FMO5: variants seen among roughly 807,000 people sequenced by gnomAD.
FMO5 encodes flavin-containing monooxygenase 5.
A neutral mutation model predicts 43.6 loss-of-function variants in FMO5; 51 were observed. The ratio of observed to expected loss-of-function variants is 1.17; its 90% CI spans 0.93 to 1.48. The LOEUF (loss-of-function observed/expected upper bound fraction) is 1.48. FMO5 is among the 40% of genes most tolerant of loss of function. FMO5 has a pLI of 0.00. For missense variants in FMO5, 644 were observed against 643.0 expected (o/e 1.00, Z -0.02); for synonymous variants, 187 against 216.5 (o/e 0.86, Z 1.20).
intron 6 of FMO5, among the ~76,000 whole-genome samples, chr1:147,206,635 C>T (rs1235540468): frequency 1.3e-5 from 2 of 151,996 alleles, no homozygotes; most frequent in African/African-American, 4.8e-5. Flanking sequence ...AAGCTAGAAA[C>T]CATCATTCTC....
chr1:147,226,249 T>C (rs1384118515), upstream of FMO5, among the ~76,000 whole-genome samples: 1 of 151,984 alleles, frequency 6.6e-6, no homozygotes, highest in African/African-American at 2.4e-5. Flanking sequence ...GGCTCACCTA[T>C]ACCTCTCTCC....
chr1:147,224,746 G>C, intron 2 of FMO5, 149 bp downstream of exon 2: 1 of 684,752 alleles, frequency 1.5e-6, no homozygotes, highest in Non-Finnish European at 2.5e-6. Flanking sequence ...GCCTGACCTC[G>C]TGATCCGCCC....
intron 7 of FMO5, among the ~76,000 whole-genome samples, chr1:147,191,768 A>G (rs1656878556): frequency 1.3e-5 from 2 of 152,004 alleles, no homozygotes; most frequent in South Asian, 4.1e-4. Flanking sequence ...TAAATAGGGA[A>G]TCCTTTCCCC....
intron 7 of FMO5, among the ~76,000 whole-genome samples, chr1:147,199,926 CTAGTAACAA>C (rs1197803348): frequency 1.3e-5 from 2 of 152,108 alleles, no homozygotes; most frequent in African/African-American, 4.8e-5. Flanking sequence ...TAATTAAATG[CTAGTAACAA>C]TAGCAAATTT....
chr1:147,185,881 C>T (rs1453094880), downstream of FMO5, among the ~76,000 whole-genome samples: 1 of 152,130 alleles, frequency 6.6e-6, no homozygotes, highest in African/African-American at 2.4e-5. Flanking sequence ...ATTTCATTTG[C>T]TCTGTTTTTC....
At chr1:147,225,809 G>A (rs797030638), upstream of FMO5, 3 of 152,196 alleles carry the variant, frequency 2.0e-5, no homozygotes. Context: ...AAAGAAGGAA[G>A]AGGTTTTTAT....
Position 147,204,878 on chromosome 1 carries a change from C to G in FMO5, c.831-3374G>C, listed in dbSNP as rs1006423448. 6 of 1,592,184 alleles carry G rather than the reference C, an allele frequency of 3.8e-6. No individual in the cohort carries two copies. In the Admixed American group the frequency reaches 6.7e-5, roughly 18 times the overall value. On this transcript the variant is annotated intron_variant, in intron 6 of 8. Coordinates refer to ENST00000254090, the MANE Select transcript of FMO5 (RefSeq NM_001461.4). Reference sequence around the variant, plus strand: ...TCTTCTAATTCTGAAAAGTGTTTCGCTCCCTCCTTGAGCATCTGGGCGAAG... The same window carrying G: ...TCTTCTAATTCTGAAAAGTGTTTCGGTCCCTCCTTGAGCATCTGGGCGAAG...
downstream of FMO5, chr1:147,186,199 C>A (rs1655600023): frequency 2.2e-6 from 1 of 456,372 alleles, no homozygotes; most frequent in African/African-American, 2.1e-5. Context: ...TCCCAAAATT[C>A]TCAACCAAGT....
chr1:147,201,460 C>T lies in FMO5; in HGVS notation c.875G>A (p.Arg292His), dbSNP rs372716556. Residue 292 changes from arginine to histidine, a missense_variant, in exon 7 of 9, where the codon CGT (arginine) becomes CAT (histidine). Arg to His is a conservative substitution (Grantham distance 29). Transcript: ENST00000254090. ...CACTTTCACCAAGCCAGAAATGATACGATTTGGCAGGTCATCATTTAAGGT... is the reference window on the plus strand; with the variant it reads ...CACTTTCACCAAGCCAGAAATGATATGATTTGGCAGGTCATCATTTAAGGT... ...HPTLNDDLPN[R>H]IISGLVKVKG... The T allele has an allele frequency of 1.7e-5, 28 of 1,613,954 alleles. No homozygotes were observed. In the East Asian group the frequency reaches 3.6e-4, roughly 21 times the overall value.
intron 7 of FMO5, among the ~76,000 whole-genome samples, chr1:147,197,497 G>C (rs587632684): frequency 6.6e-6 from 1 of 152,192 alleles, no homozygotes; most frequent in South Asian, 2.1e-4. Context: ...GGAGGGGCCT[G>C]GTGGGAGGTG....
In FMO5 at chr1:147,190,245, T is replaced by C; in HGVS notation, c.1188A>G (p.Leu396=). The change falls in exon 8 of 9, where the codon CTA becomes CTG. Residue 396 remains leucine (L), a synonymous_variant. Coordinates refer to ENST00000254090, the MANE Select transcript of FMO5 (RefSeq NM_001461.4). The part of the protein sequence containing the change: ...GRWATQVFKG[L]KTLPSQSEMM... ...TTTCACTCTGTGAGGGCAATGTCTT[T>C]AGACCTAAAAACAAAAATTAACATT... The C allele has an allele frequency of 6.2e-7, 1 of 1,603,304 alleles. No individual in the cohort carries two copies. The highest frequency in any genetic ancestry group is 8.5e-7 in the Non-Finnish European group (1 of 1,172,564).
intron 7 of FMO5, among the ~76,000 whole-genome samples, chr1:147,193,400 CTTCT>C (rs1202441480): frequency 1.3e-5 from 2 of 151,884 alleles, no homozygotes; most frequent in Non-Finnish European, 2.9e-5. Flanking sequence ...CTTCTCTTTT[CTTCT>C]TTATTAGTCT....
At chr1:147,200,367 T>C (rs1658763046) in intron 7 of FMO5, among the ~76,000 whole-genome samples, 1 of 152,160 alleles carries the variant, frequency 6.6e-6, no homozygotes, top group African/African-American at 2.4e-5. Flanking sequence ...GCTTTTTCAG[T>C]TGTACTTCAG....
chr1:147,200,516 AG>A (rs1184917634), intron 7 of FMO5, among the ~76,000 whole-genome samples: 1 of 152,144 alleles, frequency 6.6e-6, no homozygotes, highest in African/African-American at 2.4e-5. Flanking sequence ...AGAACATTAT[AG>A]TTTTTTAATG....
intron 5 of FMO5, 85 bp from the exon 6 acceptor site, chr1:147,209,136 C>T: frequency 8.1e-7 from 1 of 1,231,516 alleles, no homozygotes; most frequent in South Asian, 1.4e-5. Flanking sequence ...AGAATCATTT[C>T]AGGCCCGGCG....
In FMO5 at chr1:147,208,977, C is replaced by G; in HGVS notation, c.705G>C (p.Leu235Phe). The change falls in exon 6 of 9, where the codon TTG (leucine) becomes TTC (phenylalanine). Residue 235 changes from leucine (L) to phenylalanine (F), a missense_variant. Physicochemically the swap from Leu to Phe is conservative, Grantham distance 22. Coordinates refer to ENST00000254090, the MANE Select transcript of FMO5 (RefSeq NM_001461.4). ...VGDYGYPADV[L>F]FSSRLTHFIW... is the part of the protein sequence containing the mutation. ...TAAAATGTGTAAGTCGAGAAGAGAA[C>G]AACACATCAGCAGGATATCCGTAGT... is the stretch of plus-strand genomic sequence containing the variant. 1 of 1,613,912 alleles carries G rather than the reference C, an allele frequency of 6.2e-7. No individual in the cohort carries two copies. The highest frequency in any genetic ancestry group is 8.5e-7 in the Non-Finnish European group (1 of 1,179,916).
At chr1:147,219,382 G>T (rs1260509574) in intron 2 of FMO5, among the ~76,000 whole-genome samples, 2 of 152,022 alleles carry the variant, frequency 1.3e-5, no homozygotes, top group Non-Finnish European at 2.9e-5. Context: ...TAAGGCAGTA[G>T]GATTGCTTTC....
At chr1:147,220,716 A>G (rs899292524) in intron 2 of FMO5, among the ~76,000 whole-genome samples, 16 of 152,264 alleles carry the variant, frequency 1.1e-4, no homozygotes, top group African/African-American at 3.4e-4. Flanking sequence ...ATATATGGCA[A>G]AAGGAAGGGA....
Position 147,220,409 on chromosome 1 carries a change from T to C in FMO5, c.136-4467A>G, listed in dbSNP as rs9651219. 7.2e-3 allele frequency among the ~76,000 whole-genome samples: 1,090 copies of C among 152,250 alleles called. 16 individuals are homozygous for C. Among genetic ancestry groups the C allele is most frequent in the African/African-American group, 0.025 (1,029 of 41,522 alleles). ...AGATACAATGCAATCTCAATCAACA[T>C]CCCAGCAAGCTATTTTAGAATCCAA... On this transcript the variant is annotated intron_variant, in intron 2 of 8. Coordinates refer to ENST00000254090, the MANE Select transcript of FMO5 (RefSeq NM_001461.4).
Sources: allele counts gnomAD v4.1 joint callset (sites outside exome capture counted in the v4.1 genomes callset), GRCh38; gene constraint gnomAD v4.1.1; transcripts MANE v1.5; gene names NCBI Gene and HGNC (gene_info 2026-07-23, HGNC 2026-07-21).